NDUFA8: variants seen among roughly 807,000 people sequenced by gnomAD.
NDUFA8 encodes NADH:ubiquinone oxidoreductase subunit A8.
In NDUFA8, 16 loss-of-function variants were observed where a neutral mutation model predicts 20.9. That is an observed-to-expected ratio of 0.77 (90% CI 0.52 to 1.16). The LOEUF (loss-of-function observed/expected upper bound fraction) is 1.16. Ranked by LOEUF, NDUFA8 falls within the 50% of genes most tolerant of loss-of-function variation. The pLI, the probability that NDUFA8 is intolerant of heterozygous loss-of-function variation, is 0.00. For missense variants in NDUFA8, 202 were observed against 216.4 expected (o/e 0.93, Z 0.42); for synonymous variants, 70 against 76.1 (o/e 0.92, Z 0.41).
the NDUFA8 span, among the ~76,000 whole-genome samples, chr9:122,134,945 G>A: frequency 1.3e-5 from 2 of 152,350 alleles, no homozygotes; most frequent in Admixed American, 6.5e-5. Context: ...CTCCCCAAAT[G>A]CGGAGAGCTG....
rs565240239 is a variant in NDUFA8 at position 122,148,478 on chromosome 9, T to C, written c.216-201A>G. On this transcript the variant is annotated intron_variant, in intron 2 of 3. Transcript: ENST00000373768. ...TAGTAAACAAAAAAGATTTCTGAGG[T>C]AGAAAACCTAATTTCTTTATATAGT... is the stretch of plus-strand genomic sequence containing the variant. Among the ~76,000 whole-genome samples the C allele has an allele frequency of 5.3e-5, 8 of 152,268 alleles. No homozygotes were observed. In the South Asian group the frequency reaches 6.2e-4, roughly 12 times the overall value.
chr9:122,157,235 G>A (rs942552403), intron 1 of NDUFA8, among the ~76,000 whole-genome samples: 1 of 151,966 alleles, frequency 6.6e-6, no homozygotes, highest in African/African-American at 2.4e-5. Flanking sequence ...CTTCATCTCC[G>A]CCCATAAATG....
the NDUFA8 span, among the ~76,000 whole-genome samples, chr9:122,134,362 C>T: frequency 1.9e-4 from 29 of 152,080 alleles, no homozygotes; most frequent in African/African-American, 6.5e-4. Context: ...GTGTGACCCG[C>T]GATAATGAGA....
the NDUFA8 span, among the ~76,000 whole-genome samples, chr9:122,135,671 C>A: frequency 6.6e-6 from 1 of 152,188 alleles, no homozygotes; most frequent in Non-Finnish European, 1.5e-5. Context: ...CTCACTGCAG[C>A]CTTGAAGTCC....
Position 122,159,683 on chromosome 9 carries a change from C to T in NDUFA8, c.-6G>A. ...AGCTCCACTATCCCCGGCATGACGG[C>T]TGCAGCCCCGACCCCGACGAGAAGC... On this transcript the variant is annotated 5_prime_UTR_variant, in exon 1 of 4. Coordinates refer to ENST00000373768, the MANE Select transcript of NDUFA8 (RefSeq NM_014222.3). The T allele has an allele frequency of 6.2e-7, 1 of 1,614,170 alleles. No homozygotes were observed. The highest frequency in any genetic ancestry group is 1.1e-5 in the South Asian group (1 of 91,090).
chr9:122,159,440 T>G (rs1588297529), intron 1 of NDUFA8, among the ~76,000 whole-genome samples, 187 bp downstream of exon 1: 1 of 149,434 alleles, frequency 6.7e-6, no homozygotes, highest in Non-Finnish European at 1.5e-5. Context: ...TGCGACAGGG[T>G]GGGGTAGAGA....
chr9:122,143,573 A>G (rs1415391696), downstream of NDUFA8, among the ~76,000 whole-genome samples: 1 of 152,208 alleles, frequency 6.6e-6, no homozygotes, highest in Non-Finnish European at 1.5e-5. Flanking sequence ...TGGAGCTGGA[A>G]GTTCAGCCTC....
At chr9:122,149,045 TATC>T (rs924058698) in intron 2 of NDUFA8, among the ~76,000 whole-genome samples, 5 of 152,188 alleles carry the variant, frequency 3.3e-5, no homozygotes, top group Non-Finnish European at 5.9e-5. Flanking sequence ...AAGAATAAAA[TATC>T]ATCATTTTAT....
intron 1 of NDUFA8, 140 bp downstream of exon 1, chr9:122,159,487 G>T: frequency 2.0e-6 from 2 of 1,001,110 alleles, no homozygotes; most frequent in East Asian, 4.8e-5. Context: ...GGGGACCTCC[G>T]GGGGTCGACC....
the NDUFA8 span, among the ~76,000 whole-genome samples, chr9:122,139,008 C>T: frequency 6.6e-6 from 1 of 152,076 alleles, no homozygotes; most frequent in Non-Finnish European, 1.5e-5. Flanking sequence ...GACTGTCACA[C>T]TGGGGAGGCT....
At position 122,144,178 on chromosome 9, in the gene NDUFA8, G is replaced by A. The variant is rs2118693827; in HGVS notation, c.*63C>T. The stretch of plus-strand genomic sequence containing the variant: ...AACACACTATCAGTCGATGCAAACC[G>A]CATGGGCGTTTTCATCAGTCGTTGT... On this transcript the variant is annotated 3_prime_UTR_variant, in exon 4 of 4. Coordinates refer to ENST00000373768, the MANE Select transcript of NDUFA8 (RefSeq NM_014222.3). 9 of 1,611,652 alleles carry A rather than the reference G, an allele frequency of 5.6e-6. No individual in the cohort carries two copies. In the East Asian group the frequency reaches 6.7e-5, roughly 12 times the overall value.
downstream of NDUFA8, among the ~76,000 whole-genome samples, chr9:122,143,383 GAA>G (rs999697163): frequency 1.4e-4 from 21 of 152,072 alleles, no homozygotes; most frequent in African/African-American, 4.8e-4. Context: ...AATGAAAGGG[GAA>G]AAAAGACATA....
Position 122,157,861 on chromosome 9 carries a change from A to T in NDUFA8, c.51+1766T>A, listed in dbSNP as rs529158822. ...TTAAATGAAGCATTGCAGGTAGAAG[A>T]CTTAACATACGGCCAGGCGCGGTGG... On this transcript the variant is annotated intron_variant, in intron 1 of 3. Transcript: ENST00000373768. 2.0e-5 allele frequency among the ~76,000 whole-genome samples: 3 copies of T among 152,342 alleles called. No homozygotes were observed. The East Asian group carries it at 5.8e-4, about 29-fold the overall frequency.
At position 122,159,658 on chromosome 9, in the gene NDUFA8, A is replaced by G. The variant is rs1335811270; in HGVS notation, c.20T>C (p.Leu7Pro). ...TACTTTCAGCTCCTCTAGAGTGGGC[A>G]GCTCCACTATCCCCGGCATGACGGC... Reference protein sequence around the residue: MPGIVELPTLEELKVDE... With the variant: MPGIVEPPTLEELKVDE... Residue 7 changes from leucine to proline, a missense_variant, in exon 1 of 4, where the codon CTG becomes CCG. Coordinates refer to ENST00000373768, the MANE Select transcript of NDUFA8 (RefSeq NM_014222.3). 1 of 1,613,998 alleles carries G rather than the reference A, an allele frequency of 6.2e-7. No homozygotes were observed. Among genetic ancestry groups the G allele is most frequent in the Non-Finnish European group, 8.5e-7 (1 of 1,179,998 alleles).
In NDUFA8 at chr9:122,159,527, G is replaced by A. The variant is rs533196966; in HGVS notation, c.51+100C>T. On this transcript the variant is annotated intron_variant, in intron 1 of 3. Coordinates refer to ENST00000373768, the MANE Select transcript of NDUFA8 (RefSeq NM_014222.3). ...TATGCGTTGGAGGACTGGGGAGGGG[G>A]GCCCGGGTCCCAGGATCCGCGGAGC... is the stretch of plus-strand genomic sequence containing the variant. 1.6e-4 allele frequency: 239 copies of A among 1,449,042 alleles called. 1 individual carries two copies. The African/African-American group carries it at 3.1e-3, about 19-fold the overall frequency. 89.8% of individuals were successfully genotyped at this position (1,449,042 alleles called of 1,614,324 possible).
intron 3 of NDUFA8, among the ~76,000 whole-genome samples, 188 bp downstream of exon 3, chr9:122,147,924 C>A (rs1828930482): frequency 6.6e-6 from 1 of 152,168 alleles, no homozygotes; most frequent in Admixed American, 6.5e-5. Context: ...CCACGCCCAG[C>A]CAGAAATATT....
downstream of NDUFA8, among the ~76,000 whole-genome samples, chr9:122,140,121 A>G (rs1223663153): frequency 1.3e-5 from 2 of 152,232 alleles, no homozygotes; most frequent in Non-Finnish European, 2.9e-5. Context: ...CACACAGACA[A>G]TCTTCATTTT....
Position 122,144,226 on chromosome 9 carries a change from G to A in NDUFA8, c.*15C>T. ...TGTCTGAGCACATGACCGAGTGTGG[G>A]CCACGGACCCATCTTTACTTGGTCC... On this transcript the variant is annotated 3_prime_UTR_variant, in exon 4 of 4. Coordinates refer to ENST00000373768, the MANE Select transcript of NDUFA8 (RefSeq NM_014222.3). 4 of 1,613,302 alleles carry A rather than the reference G, an allele frequency of 2.5e-6. No individual in the cohort carries two copies. Among genetic ancestry groups the A allele is most frequent in the Non-Finnish European group, 3.4e-6 (4 of 1,179,994 alleles).
At chr9:122,157,203 C>T (rs546561120) in intron 1 of NDUFA8, among the ~76,000 whole-genome samples, 1 of 152,248 alleles carries the variant, frequency 6.6e-6, no homozygotes, top group South Asian at 2.1e-4. Flanking sequence ...TCAGACCCTA[C>T]CCTCACTTAG....
Sources: gnomAD v4.1 joint callset for allele counts (sites outside exome capture counted in the v4.1 genomes callset) on GRCh38, gnomAD v4.1.1 for gene constraint, MANE v1.5 for transcripts, NCBI Gene and HGNC (gene_info 2026-07-23, HGNC 2026-07-21) for gene names.